Variants in ARHGEF3 observed in about 807,000 individuals in gnomAD.
ARHGEF3 encodes the protein Rho guanine nucleotide exchange factor 3, also known as 59.8 kDA protein.
Under a neutral mutation model 63.2 loss-of-function variants are expected in ARHGEF3, and 28 were observed. The observed-to-expected ratio is 0.44, with a 90% confidence interval of 0.33 to 0.61. The LOEUF (loss-of-function observed/expected upper bound fraction) is 0.61. ARHGEF3 is among the 20% of genes least tolerant of loss of function. The pLI, the probability that ARHGEF3 is intolerant of heterozygous loss-of-function variation, is 0.03. For missense variants in ARHGEF3, 533 were observed against 659.3 expected, an observed-to-expected ratio of 0.81 and a Z score of 2.10; for synonymous variants, 266 against 254.2, an observed-to-expected ratio of 1.05 and a Z score of -0.44.
intron 3 of ARHGEF3, among the ~76,000 whole-genome samples, chr3:56,901,827 C>T (rs1456724229): frequency 6.6e-6 from 1 of 152,086 alleles, no homozygotes; most frequent in African/African-American, 2.4e-5. Flanking sequence ...TTTGTCAATA[C>T]ATAACCTTGT....
intron 8 of ARHGEF3, among the ~76,000 whole-genome samples, chr3:56,733,372 A>G (rs1261032374): frequency 3.0e-5 from 3 of 100,298 alleles, no homozygotes; most frequent in Non-Finnish European, 5.6e-5. Context: ...GCTACTCAGG[A>G]GGCTGAGGCA....
intron 2 of ARHGEF3, among the ~76,000 whole-genome samples, chr3:56,992,398 A>C (rs1423706177): frequency 4.8e-4 from 65 of 135,710 alleles, no homozygotes; most frequent in African/African-American, 2.1e-3. Flanking sequence ...AAAAAAAAAA[A>C]AAAAAAAAAA....
At chr3:56,796,818 G>T (rs1180897636) in intron 1 of ARHGEF3, among the ~76,000 whole-genome samples, 1 of 152,110 alleles carries the variant, frequency 6.6e-6, no homozygotes, top group Admixed American at 6.5e-5. Flanking sequence ...CCACTACCCT[G>T]TTCTGAGCCT....
intron 2 of ARHGEF3, among the ~76,000 whole-genome samples, chr3:56,769,934 C>G (rs533488028): frequency 1.3e-5 from 2 of 152,276 alleles, no homozygotes; most frequent in South Asian, 4.1e-4. Context: ...ATAATACACA[C>G]ATATGGGTAA....
intron 4 of ARHGEF3, among the ~76,000 whole-genome samples, chr3:56,753,006 TTTG>T (rs1235164285): frequency 6.6e-6 from 1 of 152,168 alleles, no homozygotes; most frequent in Non-Finnish European, 1.5e-5. Context: ...TTGAGGAAGG[TTTG>T]TTGTCCTCCT....
chr3:56,929,684 G>A (rs1050231454), intron 3 of ARHGEF3, among the ~76,000 whole-genome samples: 1 of 152,178 alleles, frequency 6.6e-6, no homozygotes, highest in African/African-American at 2.4e-5. Context: ...GTGACAAGTG[G>A]TGACTTCATT....
chr3:56,840,232 A>C (rs1056926208), intron 4 of ARHGEF3, among the ~76,000 whole-genome samples: 1 of 152,220 alleles, frequency 6.6e-6, no homozygotes, highest in African/African-American at 2.4e-5. Flanking sequence ...AGCCAACAAC[A>C]GTCAACAACA....
chr3:57,069,096 T>C (rs77679291), intron 1 of ARHGEF3, among the ~76,000 whole-genome samples: 13,656 of 152,048 alleles, frequency 0.09, 868 homozygotes, highest in East Asian at 0.35. Flanking sequence ...ATAATTTTTG[T>C]ATTTTTAGCA....
At chr3:56,801,600 G>T in intron 1 of ARHGEF3, 103 bp downstream of exon 1, 1 of 1,411,924 alleles carries the variant, frequency 7.1e-7, no homozygotes, top group Non-Finnish European at 9.5e-7. Context: ...GTGAGAGATG[G>T]AAACAGAGAC....
At chr3:56,762,322 C>A (rs2035467044) in intron 2 of ARHGEF3, among the ~76,000 whole-genome samples, 1 of 152,104 alleles carries the variant, frequency 6.6e-6, no homozygotes, top group South Asian at 2.1e-4. Flanking sequence ...GGAATCTGGC[C>A]TAGCAAATGA....
rs2032892404 is a variant in ARHGEF3 at position 56,728,683 on chromosome 3, G to A, written c.*587C>T. On this transcript the variant is annotated 3_prime_UTR_variant, in exon 10 of 10. Coordinates refer to ENST00000296315, the MANE Select transcript of ARHGEF3 (RefSeq NM_019555.3). ...AACTTGCACTGGATGAAGTTGCAAA[G>A]TTCAGACAATGCATCCTCCTTTGCA... 1 of 152,734 alleles carries A rather than the reference G, an allele frequency of 6.5e-6. No homozygotes were observed. Among genetic ancestry groups the A allele is most frequent in the African/African-American group, 2.4e-5 (1 of 41,462 alleles). The allele number at this position is 152,734 out of a possible 1,614,324, so 9.5% of individuals were successfully genotyped here. A position where few individuals can be genotyped will look rare whatever the true frequency, so the allele number is the denominator to read the frequency against.
intron 1 of ARHGEF3, among the ~76,000 whole-genome samples, chr3:56,774,018 T>C (rs2036156155): frequency 6.6e-6 from 1 of 152,106 alleles, no homozygotes; most frequent in Non-Finnish European, 1.5e-5. Flanking sequence ...GCAGGGGATG[T>C]CAACAGAGGC....
chr3:57,066,707 A>G (rs1022733688), intron 1 of ARHGEF3, among the ~76,000 whole-genome samples: 2 of 152,212 alleles, frequency 1.3e-5, no homozygotes, highest in Non-Finnish European at 2.9e-5. Context: ...TATTTTTTAG[A>G]TGAGATTAAC....
chr3:56,917,081 T>A (rs573115907), intron 3 of ARHGEF3, among the ~76,000 whole-genome samples: 23 of 152,296 alleles, frequency 1.5e-4, no homozygotes, highest in Non-Finnish European at 3.1e-4. Flanking sequence ...AGTGGGGATC[T>A]CACCAGAATG....
At chr3:57,043,956 G>T (rs760131123) in intron 1 of ARHGEF3, among the ~76,000 whole-genome samples, 6 of 152,228 alleles carry the variant, frequency 3.9e-5, no homozygotes, top group Non-Finnish European at 7.3e-5. Context: ...GCTGGGGCAA[G>T]AATTTGGAAG....
At chr3:56,799,710 A>C (rs965993406) in intron 1 of ARHGEF3, among the ~76,000 whole-genome samples, 3 of 152,206 alleles carry the variant, frequency 2.0e-5, no homozygotes, top group African/African-American at 4.8e-5. Flanking sequence ...CTGATAAGGA[A>C]ACCAGAAAAC....
intron 2 of ARHGEF3, among the ~76,000 whole-genome samples, chr3:57,014,954 G>A (rs1220107042): frequency 1.3e-5 from 2 of 151,822 alleles, no homozygotes; most frequent in African/African-American, 4.8e-5. Flanking sequence ...CAAAGTGCTG[G>A]GACTACAGGC....
At chr3:56,803,997 A>G (rs912518290), upstream of ARHGEF3, among the ~76,000 whole-genome samples, 3 of 149,208 alleles carry the variant, frequency 2.0e-5, no homozygotes, top group Non-Finnish European at 4.4e-5. Flanking sequence ...TGATCTTTCC[A>G]CCTCAGCCTC....
At chr3:56,876,264 C>T (rs2040583270) in intron 4 of ARHGEF3, among the ~76,000 whole-genome samples, 1 of 152,034 alleles carries the variant, frequency 6.6e-6, no homozygotes, top group African/African-American at 2.4e-5. Flanking sequence ...AGTCTGGGAA[C>T]CTAGAGGCAG....
Sources: allele counts gnomAD v4.1 joint callset (sites outside exome capture counted in the v4.1 genomes callset), GRCh38; gene constraint gnomAD v4.1.1; transcripts MANE v1.5; gene names NCBI Gene and HGNC (gene_info 2026-07-23, HGNC 2026-07-21).